Variants in LRRC53 observed in about 807,000 individuals in gnomAD.
LRRC53 encodes leucine rich repeat containing 53.
Under a neutral mutation model 13.6 loss-of-function variants are expected in LRRC53, and 25 were observed. That is an observed-to-expected ratio of 1.83 (90% confidence interval 1.34 to 2.56). The LOEUF (loss-of-function observed/expected upper bound fraction) is 2.56. Among genes scored for constraint, LRRC53 ranks in the 30% most tolerant of loss-of-function variants. LRRC53 has a pLI of 0.00. For synonymous variants in LRRC53, 204 were observed against 109.8 expected, an observed-to-expected ratio of 1.86 and a Z score of -5.37; for missense variants, 527 against 275.8, an observed-to-expected ratio of 1.91 and a Z score of -6.45.
intron 1 of LRRC53, among the ~76,000 whole-genome samples, chr1:74,502,089 A>G (rs1669662989): frequency 6.6e-6 from 1 of 152,128 alleles, no homozygotes; most frequent in Non-Finnish European, 1.5e-5. Flanking sequence ...CTACCATATA[A>G]TCTATTAAAA....
At chr1:74,503,443 C>T (rs765557592) in intron 1 of LRRC53, among the ~76,000 whole-genome samples, 5 of 152,022 alleles carry the variant, frequency 3.3e-5, no homozygotes, top group Admixed American at 1.3e-4. Flanking sequence ...AGTATCTAAC[C>T]CTCACTTCAG....
At chr1:74,474,184 G>T (rs954750067) in intron 4 of LRRC53, among the ~76,000 whole-genome samples, 13 of 152,150 alleles carry the variant, frequency 8.5e-5, no homozygotes, top group African/African-American at 3.1e-4. Flanking sequence ...CCACAGAGAA[G>T]TTCAGGCATT....
intron 1 of LRRC53, among the ~76,000 whole-genome samples, chr1:74,500,737 T>C (rs567642150): frequency 9.5e-4 from 142 of 149,532 alleles, no homozygotes; most frequent in Non-Finnish European, 1.7e-3. Context: ...ATTTAGTAGA[T>C]AGAGGATTTT....
chr1:74,482,457 A>G (rs1668553388), intron 2 of LRRC53, among the ~76,000 whole-genome samples: 1 of 152,186 alleles, frequency 6.6e-6, no homozygotes, highest in African/African-American at 2.4e-5. Flanking sequence ...GTGTTAAAGC[A>G]TTTTCAATAC....
rs1480591801 is a variant in LRRC53, at chr1:74,470,613, A to G, written c.3009T>C (p.Thr1003=). 2.5e-6 allele frequency: 1 copy of G among 400,512 alleles called. No individual in the cohort carries two copies. Among genetic ancestry groups the G allele is most frequent in the African/African-American group, 2.1e-5 (1 of 48,664 alleles). 24.8% of individuals were successfully genotyped at this position (400,512 alleles called of 1,614,324 possible). The change falls in exon 5 of 5, where the codon ACT becomes ACC. Residue 1003 remains threonine, a synonymous_variant. Coordinates refer to ENST00000294635, the MANE Select transcript of LRRC53 (RefSeq NM_001382280.1). ...TTTGGGGAATGAGAGAGGAATCATA[A>G]GTTTCTGTTTTTGAAAGTTTTTTTT... The part of the protein sequence containing the change: ...DVEKKLSKTE[T]YDSSLIPQTQ...
intron 1 of LRRC53, among the ~76,000 whole-genome samples, chr1:74,486,563 G>A (rs141068873): frequency 6.7e-6 from 1 of 150,208 alleles, no homozygotes; most frequent in Non-Finnish European, 1.5e-5. Flanking sequence ...TACTGAAATG[G>A]GAAAGGCTAT....
At chr1:74,531,557 T>A in the LRRC53 span, among the ~76,000 whole-genome samples, 3 of 152,302 alleles carry the variant, frequency 2.0e-5, no homozygotes, top group East Asian at 5.8e-4. Flanking sequence ...AATAGATCTG[T>A]TTTCAGCTAA....
At chr1:74,525,690 A>C in the LRRC53 span, among the ~76,000 whole-genome samples, 1 of 152,178 alleles carries the variant, frequency 6.6e-6, no homozygotes, top group African/African-American at 2.4e-5. Flanking sequence ...AACCAATATA[A>C]ATATGACCAT....
the LRRC53 span, among the ~76,000 whole-genome samples, chr1:74,535,894 CTG>C: frequency 1.4e-4 from 21 of 152,258 alleles, no homozygotes; most frequent in African/African-American, 4.8e-4. Flanking sequence ...CTGTCCAACA[CTG>C]TGCTAGAATC....
chr1:74,474,294 G>A (rs535242334), intron 4 of LRRC53, among the ~76,000 whole-genome samples: 1 of 152,174 alleles, frequency 6.6e-6, no homozygotes, highest in African/African-American at 2.4e-5. Context: ...GTCTGACCTG[G>A]TTTCTATGGC....
chr1:74,483,944 C>G (rs1464553466), intron 1 of LRRC53, among the ~76,000 whole-genome samples: 5 of 152,082 alleles, frequency 3.3e-5, no homozygotes, highest in African/African-American at 1.2e-4. Context: ...CTCTACTTAG[C>G]TTTGAATTCA....
At chr1:74,529,719 T>C in the LRRC53 span, among the ~76,000 whole-genome samples, 1 of 152,202 alleles carries the variant, frequency 6.6e-6, no homozygotes, top group Non-Finnish European at 1.5e-5. Context: ...ATAAACACTG[T>C]ATAATTGTGG....
chr1:74,518,677 A>T, the LRRC53 span, among the ~76,000 whole-genome samples: 2,994 of 152,176 alleles, frequency 0.02, 46 homozygotes, highest in Non-Finnish European at 0.032. Flanking sequence ...TTTCAAAACA[A>T]TATCTGTTTT....
At chr1:74,516,813 C>A (rs1459069900), upstream of LRRC53, among the ~76,000 whole-genome samples, 1 of 152,166 alleles carries the variant, frequency 6.6e-6, no homozygotes, top group African/African-American at 2.4e-5. Flanking sequence ...CAAGTTAAGG[C>A]AGCTTACTTC....
chr1:74,483,261 C>G lies in LRRC53; in HGVS notation c.88+1G>C. 1 of 717,014 alleles carries G rather than the reference C, an allele frequency of 1.4e-6. No homozygotes were observed. Among genetic ancestry groups the G allele is most frequent in the Non-Finnish European group, 2.6e-6 (1 of 384,764 alleles). 44.4% of individuals were successfully genotyped at this position (717,014 alleles called of 1,614,324 possible). A position where few individuals can be genotyped will look rare whatever the true frequency, so the allele number is the denominator to read the frequency against. ...CTTTTTAGAGTTATTAGTTTTATTACCTACTATATAGGTTAGCTGGTGACA... is the reference window on the plus strand; with the variant it reads ...CTTTTTAGAGTTATTAGTTTTATTAGCTACTATATAGGTTAGCTGGTGACA... On this transcript the variant is annotated splice_donor_variant, in intron 2 of 4. Coordinates refer to ENST00000294635, the MANE Select transcript of LRRC53 (RefSeq NM_001382280.1). LOFTEE classifies it high-confidence loss of function.
chr1:74,507,766 T>C (rs111993820), intron 1 of LRRC53, among the ~76,000 whole-genome samples: 1 of 152,360 alleles, frequency 6.6e-6, no homozygotes, highest in African/African-American at 2.4e-5. Flanking sequence ...TAGTGTACTA[T>C]GGCATGAGCT....
At chr1:74,486,248 A>G (rs1668760143) in intron 1 of LRRC53, among the ~76,000 whole-genome samples, 1 of 128,932 alleles carries the variant, frequency 7.8e-6, no homozygotes. Flanking sequence ...GAAATATACT[A>G]GTTCCTTTCT....
Position 74,471,970 on chromosome 1 carries a change from T to C in LRRC53, c.1652A>G (p.Tyr551Cys), listed in dbSNP as rs1275831350. ...TTTTAACAGTCCACAAGGATCATCA[T>C]ATTTTGATCTATTTTTTTGTACGAT... ...QKIVQKNRSK[Y>C]DDPCGLLKQS... is the part of the protein sequence containing the mutation. The change falls in exon 5 of 5, where the codon TAT (tyrosine) becomes TGT (cysteine). Residue 551 changes from tyrosine to cysteine, a missense_variant. By Grantham distance (194) the Tyr-to-Cys change is radical. Transcript: ENST00000294635. The C allele has an allele frequency of 1.6e-6, 1 of 621,518 alleles. No homozygotes were observed. The highest frequency in any genetic ancestry group is 2.8e-5 in the East Asian group (1 of 36,360). The allele number at this position is 621,518 out of a possible 1,614,324, so 38.5% of individuals were successfully genotyped here.
At chr1:74,492,249 T>C (rs149614295) in intron 1 of LRRC53, 2 of 1,588,374 alleles carry the variant, frequency 1.3e-6, no homozygotes, top group Admixed American at 1.7e-5. Flanking sequence ...CAAGGTCCTA[T>C]GCTGCTTTGT....
Sources: gnomAD v4.1 joint callset for allele counts (sites outside exome capture counted in the v4.1 genomes callset) on GRCh38, gnomAD v4.1.1 for gene constraint, MANE v1.5 for transcripts, NCBI Gene and HGNC (gene_info 2026-07-23, HGNC 2026-07-21) for gene names.